CACNA2D2: variants seen among roughly 807,000 people sequenced by gnomAD.
CACNA2D2 encodes voltage-dependent calcium channel subunit alpha-2/delta-2.
In CACNA2D2, 48 loss-of-function variants were observed where a neutral mutation model predicts 166.4. That is an observed-to-expected ratio of 0.29 (90% CI 0.23 to 0.37). The LOEUF (loss-of-function observed/expected upper bound fraction) is 0.37, where lower values mean the gene tolerates loss of function less well. Among genes scored for constraint, CACNA2D2 ranks in the 10% least tolerant of loss-of-function variants. CACNA2D2 has a pLI of 1.00. For synonymous variants in CACNA2D2, 561 were observed against 573.7 expected, an observed-to-expected ratio of 0.98 and a Z score of 0.32; for missense variants, 1,122 against 1,433.0, an observed-to-expected ratio of 0.78 and a Z score of 3.50.
At chr3:50,406,396 C>G (rs1226366997) in intron 3 of CACNA2D2, among the ~76,000 whole-genome samples, 1 of 151,734 alleles carries the variant, frequency 6.6e-6, no homozygotes, top group African/African-American at 2.4e-5. Flanking sequence ...TGGGACAGGG[C>G]TGCCTGGAGG....
chr3:50,477,314 A>G (rs1033136928), intron 1 of CACNA2D2, among the ~76,000 whole-genome samples: 5 of 152,170 alleles, frequency 3.3e-5, no homozygotes, highest in Non-Finnish European at 7.4e-5. Flanking sequence ...TCAGGGTGTT[A>G]TAAGAACACA....
At chr3:50,452,022 G>A (rs1330377893) in intron 2 of CACNA2D2, among the ~76,000 whole-genome samples, 2 of 152,164 alleles carry the variant, frequency 1.3e-5, no homozygotes, top group Non-Finnish European at 2.9e-5. Flanking sequence ...TTCGGCACGA[G>A]GCCCTCATCC....
intron 3 of CACNA2D2, among the ~76,000 whole-genome samples, chr3:50,414,884 A>G (rs1415295201): frequency 6.6e-6 from 1 of 152,222 alleles, no homozygotes; most frequent in Non-Finnish European, 1.5e-5. Context: ...GGGCCTGCAA[A>G]GAGGCTCAGG....
In CACNA2D2 at chr3:50,378,972, C is replaced by T. The variant is rs748093850; in HGVS notation, c.1282G>A (p.Val428Met). 26 of 1,613,794 alleles carry T rather than the reference C, an allele frequency of 1.6e-5. No homozygotes were observed. The highest frequency in any genetic ancestry group is 1.6e-4 in the Middle Eastern group (1 of 6,084). ...GTGACGTCATAGTTATGCTGCCCCA[C>T]GGAGAAAGTAAACACGCGCACCTGT... The part of the protein sequence containing the change: ...NRTVRVFTFS[V>M]GQHNYDVTPL... The change falls in exon 13 of 38, where the codon GTG becomes ATG. Residue 428 changes from valine (V) to methionine (M), a missense_variant. Around this residue, in one of 2 missense-constraint regions of CACNA2D2, gnomAD observed 840 missense variants for 1,166.8 expected, o/e 0.72. Transcript: ENST00000424201.
At chr3:50,417,618 A>G (rs1229687408) in intron 3 of CACNA2D2, among the ~76,000 whole-genome samples, 3 of 152,152 alleles carry the variant, frequency 2.0e-5, no homozygotes, top group Admixed American at 2.0e-4. Context: ...GCAGGCCCAG[A>G]GCCAGGAGGA....
intron 1 of CACNA2D2, among the ~76,000 whole-genome samples, chr3:50,480,912 G>A (rs1559991412): frequency 2.6e-4 from 6 of 23,272 alleles, no homozygotes; most frequent in South Asian, 2.6e-3. Context: ...GAGGAAAGGG[G>A]AGGAAGGGGG....
chr3:50,406,936 C>CA (rs1706741381), intron 3 of CACNA2D2, among the ~76,000 whole-genome samples: 1 of 151,854 alleles, frequency 6.6e-6, no homozygotes, highest in Non-Finnish European at 1.5e-5. Flanking sequence ...CTCTGTCCAT[C>CA]ACCCTCCAGC....
chr3:50,429,365 A>C (rs1707956905), intron 3 of CACNA2D2, among the ~76,000 whole-genome samples: 2 of 152,228 alleles, frequency 1.3e-5, no homozygotes, highest in South Asian at 4.1e-4. Flanking sequence ...AGAGCAATAC[A>C]GAGCATGCAG....
chr3:50,433,890 G>A (rs762292817), intron 3 of CACNA2D2, among the ~76,000 whole-genome samples: 1 of 152,082 alleles, frequency 6.6e-6, no homozygotes, highest in Non-Finnish European at 1.5e-5. Context: ...GAGCCCCCTC[G>A]ACACTCCCTC....
chr3:50,400,345 A>G (rs1328979458), intron 3 of CACNA2D2, among the ~76,000 whole-genome samples: 1 of 152,208 alleles, frequency 6.6e-6, no homozygotes, highest in East Asian at 1.9e-4. Context: ...TCCTGCTCCA[A>G]GCAGGTGCGT....
At chr3:50,371,596 A>G (rs1000926812) in intron 22 of CACNA2D2, among the ~76,000 whole-genome samples, 2 of 152,058 alleles carry the variant, frequency 1.3e-5, no homozygotes, top group Non-Finnish European at 2.9e-5. Flanking sequence ...TGTATAGAAG[A>G]CAGATTGTCC....
intron 6 of CACNA2D2, among the ~76,000 whole-genome samples, chr3:50,383,413 T>C (rs1351857272): frequency 2.6e-5 from 4 of 152,198 alleles, no homozygotes; most frequent in Non-Finnish European, 5.9e-5. Context: ...TAGGTGCCCA[T>C]AGAACTGTGT....
chr3:50,475,989 C>A (rs908663738), intron 2 of CACNA2D2, 129 bp downstream of exon 2: 2 of 747,418 alleles, frequency 2.7e-6, no homozygotes, highest in African/African-American at 1.7e-5. Flanking sequence ...CCTGCCCCCA[C>A]GGGCCCATCA....
In CACNA2D2 at chr3:50,366,628, G is replaced by C; in HGVS notation, c.2590-3C>G. The C allele has an allele frequency of 1.9e-6, 3 of 1,613,834 alleles. No individual in the cohort carries two copies. Among genetic ancestry groups the C allele is most frequent in the Non-Finnish European group, 2.5e-6 (3 of 1,179,954 alleles). On this transcript the variant is annotated splice_polypyrimidine_tract_variant and splice_region_variant and intron_variant, in intron 29 of 37. Coordinates refer to ENST00000424201, the MANE Select transcript of CACNA2D2 (RefSeq NM_006030.4). This position sits in a 1 kb window ranked among gnomAD's most constrained non-coding sequence, Gnocchi z 5.9. ...TCACAGTGGCTGTTGGGGCCGCACT[G>C]CTGGGCAGAGAGTGAGGACCGTAAG... is the stretch of plus-strand genomic sequence containing the variant.
intron 3 of CACNA2D2, among the ~76,000 whole-genome samples, chr3:50,413,850 A>AAAT (rs1707146549): frequency 2.4e-5 from 2 of 82,992 alleles, no homozygotes; most frequent in South Asian, 5.5e-4. Flanking sequence ...CCGTCTCAAA[A>AAAT]AATAAATAAA....
chr3:50,387,618 G>A lies in CACNA2D2; in HGVS notation c.466-6C>T. 1 of 1,611,574 alleles carries A rather than the reference G, an allele frequency of 6.2e-7. No individual in the cohort carries two copies. The highest frequency in any genetic ancestry group is 1.1e-5 in the South Asian group (1 of 90,906). ...TAGTACACGATGTCTTCCTCCTGGT[G>A]AGGGGAGAGAGGCCTCAGCACTAGC... On this transcript the variant is annotated splice_polypyrimidine_tract_variant and splice_region_variant and intron_variant, in intron 4 of 37. Coordinates refer to ENST00000424201, the MANE Select transcript of CACNA2D2 (RefSeq NM_006030.4).
At chr3:50,369,809 C>T (rs1440610979) in intron 23 of CACNA2D2, among the ~76,000 whole-genome samples, 2 of 152,344 alleles carry the variant, frequency 1.3e-5, no homozygotes, top group East Asian at 3.9e-4. Flanking sequence ...CCTCAAAGCC[C>T]CCACTCTCCT....
chr3:50,438,405 G>T (rs977402432), intron 2 of CACNA2D2, among the ~76,000 whole-genome samples: 1 of 152,168 alleles, frequency 6.6e-6, no homozygotes, highest in Non-Finnish European at 1.5e-5. Flanking sequence ...AGTCCGGCCA[G>T]CCCTCCATCC....
intron 2 of CACNA2D2, among the ~76,000 whole-genome samples, chr3:50,449,218 A>G (rs1001852072): frequency 6.6e-6 from 1 of 152,200 alleles, no homozygotes; most frequent in Non-Finnish European, 1.5e-5. Flanking sequence ...TCAGCCTCGG[A>G]GCAAGATGGC....
Sources: allele counts gnomAD v4.1 joint callset (sites outside exome capture counted in the v4.1 genomes callset), GRCh38; gene constraint gnomAD v4.1.1; regional missense constraint gnomAD v4.1.1; non-coding constraint Gnocchi (gnomAD v3.1); transcripts MANE v1.5; gene names NCBI Gene and HGNC (gene_info 2026-07-23, HGNC 2026-07-21).